EDC3: variants seen among roughly 807,000 people sequenced by gnomAD.
EDC3 encodes the protein enhancer of mRNA-decapping protein 3.
A neutral mutation model predicts 41.8 loss-of-function variants in EDC3; 20 were observed. That is an observed-to-expected ratio of 0.48 (90% CI 0.34 to 0.70). EDC3 has a LOEUF of 0.70. EDC3 is among the 30% of genes least tolerant of loss of function. The pLI, the probability that EDC3 is intolerant of heterozygous loss-of-function variation, is 0.01. For missense variants in EDC3, 444 were observed against 636.8 expected, an observed-to-expected ratio of 0.70 and a Z score of 3.26; for synonymous variants, 206 against 243.2, an observed-to-expected ratio of 0.85 and a Z score of 1.42.
intron 1 of EDC3, among the ~76,000 whole-genome samples, chr15:74,676,665 T>C (rs1216700541): frequency 2.0e-5 from 3 of 152,176 alleles, no homozygotes; most frequent in Non-Finnish European, 4.4e-5. Flanking sequence ...TTTTAAAAAC[T>C]GAATTTATCA....
intron 5 of EDC3, chr15:74,640,167 G>A (rs2062331477): frequency 6.3e-6 from 2 of 317,786 alleles, no homozygotes; most frequent in Admixed American, 4.8e-5. Context: ...CCAGGTCTCC[G>A]AAGGTTCCTA....
At chr15:74,639,060 G>C (rs977877486) in intron 5 of EDC3, 1 of 151,966 alleles carries the variant, frequency 6.6e-6, no homozygotes, top group Non-Finnish European at 1.5e-5. Context: ...TGGGATTATA[G>C]GCATGCCTCA....
chr15:74,650,692 T>C (rs2062470391), intron 4 of EDC3, among the ~76,000 whole-genome samples: 1 of 152,184 alleles, frequency 6.6e-6, no homozygotes, highest in Non-Finnish European at 1.5e-5. Context: ...TTAAAGTATT[T>C]CCTTTAGAAT....
intron 4 of EDC3, among the ~76,000 whole-genome samples, chr15:74,647,563 T>C (rs193272078): frequency 6.6e-6 from 1 of 152,296 alleles, no homozygotes; most frequent in East Asian, 1.9e-4. Context: ...AAGACACCTA[T>C]CTTAACAGTA....
chr15:74,687,577 C>G (rs2062953571), intron 1 of EDC3, among the ~76,000 whole-genome samples: 1 of 152,158 alleles, frequency 6.6e-6, no homozygotes, highest in Admixed American at 6.5e-5. Flanking sequence ...GGGGTTTCAC[C>G]ATGTTGGCCA....
intron 3 of EDC3, among the ~76,000 whole-genome samples, chr15:74,658,996 G>C (rs530324596): frequency 6.6e-6 from 1 of 152,254 alleles, no homozygotes; most frequent in South Asian, 2.1e-4. Context: ...AGGTAAGGCA[G>C]AGTGGTTGAG....
intron 4 of EDC3, chr15:74,645,562 G>A (rs1403566111): frequency 6.9e-5 from 7 of 100,930 alleles, no homozygotes; most frequent in African/African-American, 2.4e-4. Context: ...AATAAAAAAA[G>A]TTGGGGGGGG....
chr15:74,668,513 AAAAG>A (rs2062702582), intron 3 of EDC3, among the ~76,000 whole-genome samples: 1 of 152,200 alleles, frequency 6.6e-6, no homozygotes, highest in South Asian at 2.1e-4. Flanking sequence ...GCTAAAAGAA[AAAAG>A]ATTTTCAGAC....
chr15:74,692,855 C>T (rs779853209), intron 1 of EDC3: 3 of 152,126 alleles, frequency 2.0e-5, no homozygotes, highest in Non-Finnish European at 2.9e-5. Flanking sequence ...TCAGAAATTA[C>T]ATCCTAAACT....
intron 1 of EDC3, among the ~76,000 whole-genome samples, chr15:74,688,248 C>G (rs987753475): frequency 6.6e-6 from 1 of 152,174 alleles, no homozygotes; most frequent in Non-Finnish European, 1.5e-5. Context: ...AGGGAAGGGG[C>G]TCCATCAATT....
At chr15:74,679,202 A>G (rs2062841866) in intron 1 of EDC3, among the ~76,000 whole-genome samples, 1 of 152,116 alleles carries the variant, frequency 6.6e-6, no homozygotes, top group Admixed American at 6.6e-5. Context: ...TCTCAAAAAT[A>G]AAAATTAAAA....
chr15:74,637,478 C>A (rs1375955796), intron 5 of EDC3: 2 of 152,226 alleles, frequency 1.3e-5, no homozygotes, highest in African/African-American at 4.8e-5. Flanking sequence ...CCTCACACTA[C>A]CCCCTCCTGT....
chr15:74,675,074 G>T lies in EDC3; in HGVS notation c.51C>A (p.Ser17Arg). ...GSIVSINCGD[S>R]LGVYQGRVSA... is the part of the protein sequence containing the mutation. ...ACACTCTTCCCTGATAGACACCCAA[G>T]CTATCTCCACAATTGATGGACACAA... The change falls in exon 2 of 7, where the codon AGC (serine) becomes AGA (arginine). Residue 17 changes from serine to arginine, a missense_variant. Ser to Arg is a moderately radical substitution (Grantham distance 110). Around this residue, in one of 3 missense-constraint regions of EDC3, gnomAD observed 200 missense variants for 244.0 expected, o/e 0.82. Transcript: ENST00000315127. 6.2e-7 allele frequency: 1 copy of T among 1,613,854 alleles called. No individual in the cohort carries two copies. Among genetic ancestry groups the T allele is most frequent in the Non-Finnish European group, 8.5e-7 (1 of 1,180,036 alleles).
Position 74,630,830 on chromosome 15 carries a change from GCTATCATC to G in EDC3, c.*1774_*1781del, listed in dbSNP as rs2062194180. On this transcript the variant is annotated 3_prime_UTR_variant, in exon 7 of 7. Transcript: ENST00000315127. The stretch of plus-strand genomic sequence containing the variant: ...CACAAACTCCCAGTGGCCCTGCAAG[GCTATCATC>G]CCTGGATCTTGCTGGAGTGGACAGT... 6.6e-6 allele frequency: 1 copy of G among 152,278 alleles called. No individual in the cohort carries two copies. Among genetic ancestry groups the G allele is most frequent in the African/African-American group, 2.4e-5 (1 of 41,426 alleles). The allele number at this position is 152,278 out of a possible 1,614,324, so 9.4% of individuals were successfully genotyped here.
intron 5 of EDC3, 189 bp downstream of exon 5, chr15:74,640,276 TA>T (rs1174209853): frequency 4.9e-6 from 3 of 612,500 alleles, no homozygotes; most frequent in African/African-American, 1.9e-5. Flanking sequence ...TGAGGACATC[TA>T]GGAGATGGGT....
In EDC3 at chr15:74,684,150, G is replaced by A. The variant is rs529219342; in HGVS notation, c.-18-9008C>T. On this transcript the variant is annotated intron_variant, in intron 1 of 6. Coordinates refer to ENST00000315127, the MANE Select transcript of EDC3 (RefSeq NM_025083.5). ...GCTCCTGGGCTCAGGTGATCCTCCC[G>A]CCTCAGCCTCCTGAGTAGCTGGGAC... is the stretch of plus-strand genomic sequence containing the variant. Among the ~76,000 whole-genome samples, 63 of 126,582 alleles carry A rather than the reference G, an allele frequency of 5.0e-4. 1 individual carries two copies. In the South Asian group the frequency reaches 0.016, roughly 32 times the overall value. The allele number at this position is 126,582 out of a possible 152,430, so 83.0% of individuals were successfully genotyped here.
chr15:74,648,507 A>G (rs2062442946), intron 4 of EDC3, among the ~76,000 whole-genome samples: 1 of 152,236 alleles, frequency 6.6e-6, no homozygotes, highest in South Asian at 2.1e-4. Flanking sequence ...AAGCCACAGG[A>G]ACAAATCATT....
At chr15:74,690,202 G>C (rs74494426) in intron 1 of EDC3, among the ~76,000 whole-genome samples, 3,563 of 152,290 alleles carry the variant, frequency 0.023, 142 homozygotes, top group African/African-American at 0.081. Context: ...GCTAGGAAGG[G>C]AGCCACAGAT....
At chr15:74,678,358 A>C (rs575768245) in intron 1 of EDC3, among the ~76,000 whole-genome samples, 423 of 152,242 alleles carry the variant, frequency 2.8e-3, no homozygotes, top group African/African-American at 1.0e-2. Context: ...AACCCTCTGT[A>C]TTTTCGGCTC....
Sources: gnomAD v4.1 joint callset for allele counts (sites outside exome capture counted in the v4.1 genomes callset) on GRCh38, gnomAD v4.1.1 for gene constraint, gnomAD v4.1.1 regional missense constraint, MANE v1.5 for transcripts, NCBI Gene and HGNC (gene_info 2026-07-23, HGNC 2026-07-21) for gene names.